The following IMPA1 variants were observed in gnomAD, a reference collection of about 807,000 sequenced individuals.
IMPA1 encodes the protein inositol monophosphatase 1.
Under a neutral mutation model 34.9 loss-of-function variants are expected in IMPA1, and 21 were observed. That is an observed-to-expected ratio of 0.60 (90% CI 0.43 to 0.87). The LOEUF (loss-of-function observed/expected upper bound fraction) is 0.87. Ranked by LOEUF, IMPA1 falls within the 40% of genes least tolerant of loss-of-function variation. The pLI, the probability that IMPA1 is intolerant of heterozygous loss-of-function variation, is 0.00. For synonymous variants in IMPA1, 95 were observed against 104.4 expected (o/e 0.91, Z 0.55); for missense variants, 299 against 336.4 (o/e 0.89, Z 0.87).
At chr8:81,666,170 T>C (rs953738867) in intron 7 of IMPA1, among the ~76,000 whole-genome samples, 6 of 152,156 alleles carry the variant, frequency 3.9e-5, no homozygotes, top group Admixed American at 1.3e-4. Flanking sequence ...ACATAGGCAA[T>C]AGGCGAAGCC....
At chr8:81,680,613 A>C in intron 3 of IMPA1, 37 bp downstream of exon 3, 1 of 1,474,154 alleles carries the variant, frequency 6.8e-7, no homozygotes, top group Non-Finnish European at 9.4e-7. Context: ...AAATGGTGAG[A>C]TAATAAACAT....
chr8:81,686,224 G>A (rs998327951), intron 1 of IMPA1, 28 bp downstream of exon 1: 3 of 1,017,066 alleles, frequency 2.9e-6, no homozygotes, highest in African/African-American at 1.7e-5. Flanking sequence ...GAACCCGGAG[G>A]GTGCGGTGAG....
rs2130230163 is a variant in IMPA1 at position 81,658,714 on chromosome 8, T to C, written c.*637A>G. The C allele has an allele frequency of 6.5e-6, 1 of 152,798 alleles. No individual in the cohort carries two copies. Among genetic ancestry groups the C allele is most frequent in the Admixed American group, 6.5e-5 (1 of 15,288 alleles). 9.5% of individuals were successfully genotyped at this position (152,798 alleles called of 1,614,324 possible). ...AAAAAAAATTTAACTAGATAATTTT[T>C]ACTTCAAACCTGAAGCAAAAGTACA... is the stretch of plus-strand genomic sequence containing the variant. On this transcript the variant is annotated 3_prime_UTR_variant, in exon 9 of 9. Coordinates refer to ENST00000256108, the MANE Select transcript of IMPA1 (RefSeq NM_005536.4).
rs769064564 is a variant in IMPA1 at position 81,660,572 on chromosome 8, A to G, written c.662T>C (p.Val221Ala). The change falls in exon 8 of 9, where the codon GTT (valine) becomes GCT (alanine). Residue 221 changes from valine to alanine, a missense_variant. By Grantham distance (64) the Val-to-Ala change is moderately conservative. Transcript: ENST00000256108. ...AGTAACAATAATGCCAGCTCCTGCA[A>G]CATCCCAGCAGTGAATTCCCATTTC... ...YYEMGIHCWDVAGAGIIVTEA... is the reference protein window; with the variant it reads ...YYEMGIHCWDAAGAGIIVTEA... 8 of 1,613,990 alleles carry G rather than the reference A, an allele frequency of 5.0e-6. No homozygotes were observed. Among genetic ancestry groups the G allele is most frequent in the South Asian group, 3.3e-5 (3 of 91,070 alleles).
chr8:81,668,641 C>A (rs1554585035), intron 7 of IMPA1, among the ~76,000 whole-genome samples: 1 of 151,834 alleles, frequency 6.6e-6, no homozygotes, highest in Non-Finnish European at 1.5e-5. Context: ...GGAAGCAGAG[C>A]AAAAAAATTT....
At chr8:81,685,990 G>C (rs950858699) in intron 1 of IMPA1, 2 of 1,445,216 alleles carry the variant, frequency 1.4e-6, no homozygotes, top group African/African-American at 1.5e-5. Context: ...ACATAAAAAG[G>C]GGCAATTATT....
In IMPA1 at chr8:81,659,502, G is replaced by A. The variant is rs772136390; in HGVS notation, c.719-36C>T. The A allele has an allele frequency of 5.3e-6, 6 of 1,130,154 alleles. No individual in the cohort carries two copies. The African/African-American group carries it at 9.3e-5, about 17-fold the overall frequency. The allele number at this position is 1,130,154 out of a possible 1,614,324, so 70.0% of individuals were successfully genotyped here. Reference sequence around the variant, plus strand: ...ACAAGTATGAAAAATAATTTTATCTGGTACAAAAATAATTCATATAAAACA... The same window carrying A: ...ACAAGTATGAAAAATAATTTTATCTAGTACAAAAATAATTCATATAAAACA... On this transcript the variant is annotated intron_variant, in intron 8 of 8. Coordinates refer to ENST00000256108, the MANE Select transcript of IMPA1 (RefSeq NM_005536.4).
intron 3 of IMPA1, 127 bp downstream of exon 3, chr8:81,680,523 C>CCAA (rs1807268173): frequency 1.4e-6 from 1 of 694,540 alleles, no homozygotes; most frequent in African/African-American, 1.8e-5. Flanking sequence ...GCAGCCTTGA[C>CCAA]CAACACTTTG....
At chr8:81,674,271 C>T (rs149068625) in intron 5 of IMPA1, 47 of 209,662 alleles carry the variant, frequency 2.2e-4, no homozygotes, top group Admixed American at 6.9e-4. Flanking sequence ...CACATACATT[C>T]TCTGAAAAAC....
chr8:81,666,879 A>G (rs960279804), intron 7 of IMPA1, among the ~76,000 whole-genome samples: 1 of 150,360 alleles, frequency 6.7e-6, no homozygotes, highest in African/African-American at 2.4e-5. Context: ...CAAAAAAAAA[A>G]AAAAAAAAAA....
chr8:81,684,130 TACACACATAC>T (rs1563591954), intron 1 of IMPA1, among the ~76,000 whole-genome samples: 107 of 114,216 alleles, frequency 9.4e-4, no homozygotes, highest in Non-Finnish European at 1.2e-3. Context: ...CACACACACA[TACACACATAC>T]ACACACACAC....
intron 1 of IMPA1, among the ~76,000 whole-genome samples, chr8:81,685,141 ATAG>A (rs1807464958): frequency 7.4e-6 from 1 of 135,020 alleles, no homozygotes; most frequent in Non-Finnish European, 1.5e-5. Flanking sequence ...GATACTATAT[ATAG>A]TATATATACT....
intron 5 of IMPA1, chr8:81,674,875 T>C (rs1690700024): frequency 2.2e-6 from 1 of 453,512 alleles, no homozygotes; most frequent in African/African-American, 2.0e-5. Context: ...CATTGCCTGA[T>C]CACCTCCCAT....
At chr8:81,666,869 C>CAAA (rs33975606) in intron 7 of IMPA1, among the ~76,000 whole-genome samples, 6 of 39,338 alleles carry the variant, frequency 1.5e-4, no homozygotes, top group Non-Finnish European at 1.9e-4. Context: ...GACTCTGTCT[C>CAAA]AAAAAAAAAA....
In IMPA1 at chr8:81,657,581, C is replaced by T. The variant is rs1356378723; in HGVS notation, c.*1770G>A. Among the ~76,000 whole-genome samples, 2 of 151,256 alleles carry T rather than the reference C, an allele frequency of 1.3e-5. No individual in the cohort carries two copies. The highest frequency in any genetic ancestry group is 2.4e-5 in the African/African-American group (1 of 41,118). ...GAGCAGAAGAGCAAGACACTGTCTT[C>T]AAAAAACAAAAACAAAACAAAGCCT... On this transcript the variant is annotated 3_prime_UTR_variant, in exon 9 of 9. Coordinates refer to ENST00000256108, the MANE Select transcript of IMPA1 (RefSeq NM_005536.4).
At position 81,670,924 on chromosome 8, in the gene IMPA1, T is replaced by C. The variant is rs755770174; in HGVS notation, c.566+15A>G. 3.1e-6 allele frequency: 4 copies of C among 1,289,012 alleles called. No individual in the cohort carries two copies. Among genetic ancestry groups the C allele is most frequent in the South Asian group, 2.8e-5 (2 of 70,206 alleles). The allele number at this position is 1,289,012 out of a possible 1,614,324, so 79.8% of individuals were successfully genotyped here. A position where few individuals can be genotyped will look rare whatever the true frequency, so the allele number is the denominator to read the frequency against. On this transcript the variant is annotated intron_variant, in intron 7 of 8. Coordinates refer to ENST00000256108, the MANE Select transcript of IMPA1 (RefSeq NM_005536.4). ...GTATACAAAGAGAGAGATAGAATAA[T>C]GGTAAAGAGCTTACCCATGAACAGG... is the stretch of plus-strand genomic sequence containing the variant.
chr8:81,672,809 G>A (rs1807025088), intron 6 of IMPA1, among the ~76,000 whole-genome samples: 1 of 152,278 alleles, frequency 6.6e-6, no homozygotes, highest in Middle Eastern at 3.4e-3. Flanking sequence ...GTGATTCCCA[G>A]CTTTAACGGG....
chr8:81,676,299 C>CA lies in IMPA1; in HGVS notation c.303-21dup, dbSNP rs1213870486. 1.7e-6 allele frequency: 2 copies of CA among 1,176,274 alleles called. No homozygotes were observed. Among genetic ancestry groups the CA allele is most frequent in the African/African-American group, 1.6e-5 (1 of 63,858 alleles). 72.9% of individuals were successfully genotyped at this position (1,176,274 alleles called of 1,614,324 possible). ...GGAAATCTTTTTTTAAAAAAAAGGA[C>CA]AAAATACAAATTAACCAACATAGAA... On this transcript the variant is annotated intron_variant, in intron 4 of 8. Coordinates refer to ENST00000256108, the MANE Select transcript of IMPA1 (RefSeq NM_005536.4).
intron 7 of IMPA1, among the ~76,000 whole-genome samples, chr8:81,663,726 A>AT (rs1322650542): frequency 6.6e-6 from 1 of 152,230 alleles, no homozygotes; most frequent in Admixed American, 6.5e-5. Context: ...TTTTTCATAT[A>AT]AACAACTATG....
Sources: gnomAD v4.1 joint callset for allele counts (sites outside exome capture counted in the v4.1 genomes callset) on GRCh38, gnomAD v4.1.1 for gene constraint, MANE v1.5 for transcripts, NCBI Gene and HGNC (gene_info 2026-07-23, HGNC 2026-07-21) for gene names.